Variants in SLC4A4 observed in about 807,000 individuals in gnomAD.
SLC4A4 encodes electrogenic sodium bicarbonate cotransporter 1.
SLC4A4 carries 27 observed loss-of-function variants against 111.5 expected under a neutral mutation model. The ratio of observed to expected loss-of-function variants is 0.24; its 90% CI spans 0.18 to 0.33. The LOEUF (loss-of-function observed/expected upper bound fraction) is 0.33, where lower values mean the gene tolerates loss of function less well. Ranked by LOEUF, SLC4A4 falls within the 10% of genes least tolerant of loss-of-function variation. The pLI is 1.00. For missense variants in SLC4A4, 909 were observed against 1,315.5 expected, an observed-to-expected ratio of 0.69 and a Z score of 4.78; for synonymous variants, 443 against 463.4, an observed-to-expected ratio of 0.96 and a Z score of 0.57.
At chr4:71,110,817 C>T (rs1349047158) in intron 2 of SLC4A4, among the ~76,000 whole-genome samples, 1 of 152,144 alleles carries the variant, frequency 6.6e-6, no homozygotes, top group Non-Finnish European at 1.5e-5. Flanking sequence ...GTTTGAAGTA[C>T]TGTGTATAAT....
intron 16 of SLC4A4, among the ~76,000 whole-genome samples, chr4:71,527,023 T>G (rs59000502): frequency 0.014 from 2,129 of 152,218 alleles, 40 homozygotes; most frequent in South Asian, 0.065. Flanking sequence ...ACTAGTGGAT[T>G]GGCAACATTA....
intron 2 of SLC4A4, among the ~76,000 whole-genome samples, chr4:71,135,715 A>G (rs1743826678): frequency 6.6e-6 from 1 of 152,110 alleles, no homozygotes; most frequent in South Asian, 2.1e-4. Context: ...GTACCCTTTG[A>G]CTGACATAAT....
chr4:71,331,416 T>C (rs1172477897), intron 3 of SLC4A4, among the ~76,000 whole-genome samples: 1 of 152,034 alleles, frequency 6.6e-6, no homozygotes, highest in East Asian at 1.9e-4. Context: ...AAATGATGAG[T>C]TCATGTCCTT....
chr4:71,102,000 G>T (rs1166542417), intron 2 of SLC4A4, among the ~76,000 whole-genome samples: 3 of 150,796 alleles, frequency 2.0e-5, no homozygotes, highest in African/African-American at 7.3e-5. Context: ...TCAAACCAAA[G>T]GCAAAGAAGT....
chr4:71,107,416 G>T (rs775005266), intron 2 of SLC4A4, among the ~76,000 whole-genome samples: 1 of 151,684 alleles, frequency 6.6e-6, no homozygotes, highest in South Asian at 2.1e-4. Context: ...GTGCCCTCTC[G>T]GCTCATTGCA....
intron 16 of SLC4A4, among the ~76,000 whole-genome samples, chr4:71,521,194 T>C (rs1024182970): frequency 3.9e-5 from 6 of 152,174 alleles, no homozygotes; most frequent in African/African-American, 1.2e-4. Flanking sequence ...ACATCACCTA[T>C]CCTTAGGGCC....
intron 1 of SLC4A4, among the ~76,000 whole-genome samples, chr4:71,217,520 G>A (rs927612615): frequency 1.3e-5 from 2 of 152,144 alleles, no homozygotes; most frequent in African/African-American, 4.8e-5. Flanking sequence ...CTGAGATCGT[G>A]TCACTGCACT....
At chr4:71,407,779 A>G (rs989323981) in intron 7 of SLC4A4, among the ~76,000 whole-genome samples, 4 of 151,808 alleles carry the variant, frequency 2.6e-5, no homozygotes, top group African/African-American at 7.3e-5. Flanking sequence ...CAACATTTCA[A>G]TGTTTTTTTT....
At chr4:71,235,831 T>C (rs1178350636) in intron 1 of SLC4A4, among the ~76,000 whole-genome samples, 2 of 152,196 alleles carry the variant, frequency 1.3e-5, no homozygotes, top group African/African-American at 4.8e-5. Flanking sequence ...CTTTGTGCCC[T>C]TCAGGGAAGA....
At chr4:71,412,759 C>G (rs1392415363) in intron 7 of SLC4A4, among the ~76,000 whole-genome samples, 1 of 152,100 alleles carries the variant, frequency 6.6e-6, no homozygotes, top group Non-Finnish European at 1.5e-5. Flanking sequence ...AGAGGTGACT[C>G]TGAATTAACT....
chr4:71,537,363 C>CATATATGTGTATATAT (rs1187387046), intron 18 of SLC4A4, among the ~76,000 whole-genome samples: 1 of 147,360 alleles, frequency 6.8e-6, no homozygotes, highest in Admixed American at 6.8e-5. Flanking sequence ...TGTATATATA[C>CATATATGTGTATATAT]ATATGTGTGT....
At chr4:71,316,513 A>G (rs1726695447) in intron 3 of SLC4A4, among the ~76,000 whole-genome samples, 1 of 152,108 alleles carries the variant, frequency 6.6e-6, no homozygotes, top group Non-Finnish European at 1.5e-5. Context: ...CAGAATTCAC[A>G]TGTGGTTTTT....
intron 4 of SLC4A4, among the ~76,000 whole-genome samples, chr4:71,347,794 A>G (rs1283593870): frequency 6.6e-6 from 1 of 152,160 alleles, no homozygotes; most frequent in Admixed American, 6.6e-5. Flanking sequence ...AAGGCCTTGT[A>G]AAACACTCCC....
chr4:71,517,360 G>A (rs1362072300), intron 16 of SLC4A4, among the ~76,000 whole-genome samples: 2 of 151,402 alleles, frequency 1.3e-5, no homozygotes, highest in East Asian at 1.9e-4. Context: ...TGCTTGATCA[G>A]TTCTGCTGTT....
intron 13 of SLC4A4, among the ~76,000 whole-genome samples, chr4:71,468,456 C>T (rs923629140): frequency 1.3e-5 from 2 of 151,944 alleles, no homozygotes; most frequent in South Asian, 2.1e-4. Context: ...GTTCCTTTCT[C>T]GTTCTCCCTT....
At chr4:71,108,160 C>T (rs1742995353) in intron 2 of SLC4A4, among the ~76,000 whole-genome samples, 1 of 152,130 alleles carries the variant, frequency 6.6e-6, no homozygotes, top group Non-Finnish European at 1.5e-5. Flanking sequence ...AAATGAATCT[C>T]CTAAATTATG....
At chr4:71,539,292 T>A (rs574582205) in intron 18 of SLC4A4, among the ~76,000 whole-genome samples, 19 of 152,184 alleles carry the variant, frequency 1.2e-4, no homozygotes, top group East Asian at 1.9e-4. Flanking sequence ...ATTTTTTTTT[T>A]AAATGCTATT....
rs377370402 is a variant in SLC4A4 at position 71,384,407 on chromosome 4, G to A, written c.731-13170G>A. On this transcript the variant is annotated intron_variant, in intron 6 of 25. Coordinates refer to ENST00000264485, the MANE Select transcript of SLC4A4 (RefSeq NM_001098484.3). ...GGAGGCTACTGCTAGAGTTGTGGGT[G>A]TCCTATAGTCATTGATTGCTAAGAG... 2.0e-5 allele frequency among the ~76,000 whole-genome samples: 3 copies of A among 152,140 alleles called. No individual in the cohort carries two copies. In the East Asian group the frequency reaches 5.8e-4, roughly 29 times the overall value.
chr4:71,555,830 T>A (rs1736423025), intron 21 of SLC4A4, among the ~76,000 whole-genome samples: 1 of 151,778 alleles, frequency 6.6e-6, no homozygotes, highest in South Asian at 2.1e-4. Flanking sequence ...TGAACCTGAG[T>A]TTTAGTCCAG....
Sources: gnomAD v4.1 joint callset for allele counts (sites outside exome capture counted in the v4.1 genomes callset) on GRCh38, gnomAD v4.1.1 for gene constraint, MANE v1.5 for transcripts, NCBI Gene and HGNC (gene_info 2026-07-23, HGNC 2026-07-21) for gene names.